The following PTPRO variants were observed in gnomAD, a reference collection of about 807,000 sequenced individuals.
The protein encoded by PTPRO is protein tyrosine phosphatase receptor type O.
A neutral mutation model predicts 145.2 loss-of-function variants in PTPRO; 62 were observed. The ratio of observed to expected loss-of-function variants is 0.43; its 90% CI spans 0.35 to 0.53. The LOEUF is 0.53. Among genes scored for constraint, PTPRO ranks in the 20% least tolerant of loss-of-function variants. The probability of loss-of-function intolerance (pLI) is 0.01; values close to 1 mark genes in which losing one functional copy is unlikely to be tolerated. For missense variants in PTPRO, 1,345 were observed against 1,482.7 expected (o/e 0.91, Z 1.53); for synonymous variants, 565 against 514.7 (o/e 1.10, Z -1.32).
At position 15,484,125 on chromosome 12, in the gene PTPRO, G is replaced by C; in HGVS notation, c.227G>C (p.Ser76Thr). 1 of 1,613,828 alleles carries C rather than the reference G, an allele frequency of 6.2e-7. No individual in the cohort carries two copies. Among genetic ancestry groups the C allele is most frequent in the Non-Finnish European group, 8.5e-7 (1 of 1,179,818 alleles). ...TTCTTCGAATTTGAGGAATTCAACA[G>C]CACTTTGCCTCCTCCTGTTATTTTC... ...NYFFEFEEFN[S>T]TLPPPVIFKA... The change falls in exon 2 of 27, where the codon AGC becomes ACC. Residue 76 changes from serine to threonine, a missense_variant. Physicochemically the swap from Ser to Thr is moderately conservative, Grantham distance 58. This residue lies in a region of PTPRO where 1,130 missense variants were observed against 1,214.7 expected (regional missense o/e 0.93). Transcript: ENST00000281171.
chr12:15,505,252 A>G (rs557078685), intron 6 of PTPRO, among the ~76,000 whole-genome samples: 1 of 152,364 alleles, frequency 6.6e-6, no homozygotes, highest in East Asian at 1.9e-4. Context: ...CATAGTAGAC[A>G]GCACAAAACA....
intron 3 of PTPRO, among the ~76,000 whole-genome samples, chr12:15,498,550 C>T (rs1220177906): frequency 6.6e-6 from 1 of 151,802 alleles, no homozygotes; most frequent in Non-Finnish European, 1.5e-5. Context: ...AGAGCAAGGC[C>T]CCATCTCAAA....
chr12:15,326,086 C>T (rs764548154), intron 1 of PTPRO, among the ~76,000 whole-genome samples: 8 of 152,170 alleles, frequency 5.3e-5, no homozygotes, highest in African/African-American at 1.9e-4. Context: ...CTGTTTTCCA[C>T]GGTCTGTCTG....
At chr12:15,334,866 T>A (rs762061267) in intron 1 of PTPRO, among the ~76,000 whole-genome samples, 2 of 152,110 alleles carry the variant, frequency 1.3e-5, no homozygotes, top group Non-Finnish European at 2.9e-5. Context: ...ATTAATAATC[T>A]TCTTTACTCA....
chr12:15,559,768 T>C (rs1219212666), intron 16 of PTPRO, among the ~76,000 whole-genome samples: 1 of 152,186 alleles, frequency 6.6e-6, no homozygotes, highest in Non-Finnish European at 1.5e-5. Context: ...ATTTTTATTT[T>C]CTCACACAAG....
At chr12:15,349,876 A>T (rs1418752040) in intron 1 of PTPRO, among the ~76,000 whole-genome samples, 1 of 152,112 alleles carries the variant, frequency 6.6e-6, no homozygotes, top group East Asian at 1.9e-4. Flanking sequence ...TAGCTTACTG[A>T]TAGTTTTTGG....
chr12:15,525,066 A>C, intron 11 of PTPRO, 101 bp downstream of exon 11: 1 of 1,386,090 alleles, frequency 7.2e-7, no homozygotes, highest in South Asian at 1.2e-5. Context: ...AAATGTTTGC[A>C]TACCAGTTGT....
chr12:15,335,671 T>C (rs1229627070), intron 1 of PTPRO, among the ~76,000 whole-genome samples: 1 of 152,124 alleles, frequency 6.6e-6, no homozygotes, highest in Non-Finnish European at 1.5e-5. Flanking sequence ...TCTAAAAACT[T>C]AGTTTATGAG....
intron 25 of PTPRO, among the ~76,000 whole-genome samples, chr12:15,590,318 G>A (rs532696336): frequency 6.6e-6 from 1 of 152,216 alleles, no homozygotes; most frequent in South Asian, 2.1e-4. Flanking sequence ...GTACCCTTGT[G>A]GGCGCAAAAA....
intron 24 of PTPRO, among the ~76,000 whole-genome samples, chr12:15,588,725 T>G (rs542883339): frequency 1.3e-5 from 2 of 152,312 alleles, no homozygotes; most frequent in African/African-American, 4.8e-5. Context: ...ACATCTCAAC[T>G]GGAGTTTTGA....
chr12:15,541,010 T>C (rs185604742), intron 12 of PTPRO, among the ~76,000 whole-genome samples: 156 of 152,280 alleles, frequency 1.0e-3, no homozygotes, highest in Middle Eastern at 0.01. Flanking sequence ...TAGAGGGTAT[T>C]TAAAAGCAAA....
chr12:15,506,956 T>C (rs776281456), intron 6 of PTPRO, among the ~76,000 whole-genome samples: 1 of 152,212 alleles, frequency 6.6e-6, no homozygotes, highest in Non-Finnish European at 1.5e-5. Flanking sequence ...AAATTTTTAC[T>C]ATTTCATAGT....
chr12:15,515,992 G>GGTTTTTTTTTTTTTTTT (rs1942572885), intron 8 of PTPRO, among the ~76,000 whole-genome samples: 4 of 126,838 alleles, frequency 3.2e-5, no homozygotes, highest in South Asian at 2.3e-4. Context: ...TTTTTGTTTT[G>GGTTTTTTTTTTTTTTTT]TTTTTTTTTT....
At chr12:15,571,508 G>A (rs533502104) in intron 19 of PTPRO, among the ~76,000 whole-genome samples, 1 of 152,052 alleles carries the variant, frequency 6.6e-6, no homozygotes, top group African/African-American at 2.4e-5. Context: ...GTCTGGTCTC[G>A]AACTCCTTAC....
intron 19 of PTPRO, among the ~76,000 whole-genome samples, chr12:15,573,182 C>A (rs1016924180): frequency 6.6e-6 from 1 of 152,226 alleles, no homozygotes; most frequent in Non-Finnish European, 1.5e-5. Flanking sequence ...GGCAGGCTGG[C>A]AGGCTGGAGA....
intron 1 of PTPRO, among the ~76,000 whole-genome samples, chr12:15,469,105 T>C (rs983884177): frequency 6.6e-5 from 10 of 152,218 alleles, no homozygotes; most frequent in Non-Finnish European, 2.9e-5. Context: ...CACAGCTGAA[T>C]TGACATTTCA....
At chr12:15,561,555 T>C (rs2135587481) in intron 17 of PTPRO, among the ~76,000 whole-genome samples, 1 of 152,244 alleles carries the variant, frequency 6.6e-6, no homozygotes, top group African/African-American at 2.4e-5. Flanking sequence ...ACCCATTCAC[T>C]GTTATTCTAA....
chr12:15,552,522 G>GA (rs1365038604), intron 15 of PTPRO, among the ~76,000 whole-genome samples: 1 of 152,086 alleles, frequency 6.6e-6, no homozygotes, highest in African/African-American at 2.4e-5. Flanking sequence ...CATATCCAAA[G>GA]AAAAATCAGA....
intron 2 of PTPRO, among the ~76,000 whole-genome samples, chr12:15,487,379 A>G (rs1941911122): frequency 6.6e-6 from 1 of 152,130 alleles, no homozygotes; most frequent in South Asian, 2.1e-4. Flanking sequence ...CTCCTCTCCC[A>G]GGAACAGGCG....
Sources: gnomAD v4.1 joint callset for allele counts (sites outside exome capture counted in the v4.1 genomes callset) on GRCh38, gnomAD v4.1.1 for gene constraint, gnomAD v4.1.1 regional missense constraint, MANE v1.5 for transcripts, NCBI Gene and HGNC (gene_info 2026-07-23, HGNC 2026-07-21) for gene names.